MEF2A: variants seen among roughly 807,000 people sequenced by gnomAD.
MEF2A encodes the protein myocyte-specific enhancer factor 2A.
MEF2A carries 28 observed loss-of-function variants against 55.8 expected under a neutral mutation model. That is an observed-to-expected ratio of 0.50 (90% confidence interval 0.37 to 0.69). The LOEUF (loss-of-function observed/expected upper bound fraction) is 0.69, where lower values mean the gene tolerates loss of function less well. Ranked by LOEUF, MEF2A falls within the 30% of genes least tolerant of loss-of-function variation. MEF2A has a pLI of 0.00. For synonymous variants in MEF2A, 239 were observed against 227.1 expected, an observed-to-expected ratio of 1.05 and a Z score of -0.47; for missense variants, 528 against 626.2, an observed-to-expected ratio of 0.84 and a Z score of 1.67.
intron 1 of MEF2A, among the ~76,000 whole-genome samples, chr15:99,576,914 T>C (rs1964477852): frequency 6.6e-6 from 1 of 152,244 alleles, no homozygotes; most frequent in Admixed American, 6.5e-5. Flanking sequence ...CCCAAAGTGC[T>C]GGGATTACAG....
At chr15:99,592,831 C>G (rs1475517577) in intron 1 of MEF2A, among the ~76,000 whole-genome samples, 1 of 152,126 alleles carries the variant, frequency 6.6e-6, no homozygotes, top group Non-Finnish European at 1.5e-5. Flanking sequence ...CTCACCAAGT[C>G]CCACCTCCAA....
intron 2 of MEF2A, among the ~76,000 whole-genome samples, chr15:99,632,272 T>C (rs1049839702): frequency 6.6e-6 from 1 of 152,188 alleles, no homozygotes; most frequent in African/African-American, 2.4e-5. Context: ...AACTGAATCT[T>C]GACTGATAAG....
intron 7 of MEF2A, among the ~76,000 whole-genome samples, chr15:99,687,464 A>C (rs758962544): frequency 2.0e-5 from 3 of 152,198 alleles, no homozygotes; most frequent in Non-Finnish European, 4.4e-5. Context: ...GAGCAGAACA[A>C]ATACAGCTAC....
At chr15:99,704,921 C>A (rs2057846667) in intron 9 of MEF2A, among the ~76,000 whole-genome samples, 1 of 152,144 alleles carries the variant, frequency 6.6e-6, no homozygotes, top group African/African-American at 2.4e-5. Flanking sequence ...ATTACAGAAC[C>A]TCAGAGATAA....
At chr15:99,711,102 G>C (rs2058590817) in intron 11 of MEF2A, among the ~76,000 whole-genome samples, 1 of 152,192 alleles carries the variant, frequency 6.6e-6, no homozygotes, top group Admixed American at 6.5e-5. Context: ...TGATGAAGCT[G>C]CCTACTGCAC....
chr15:99,588,164 T>C (rs2152933791), intron 1 of MEF2A, among the ~76,000 whole-genome samples: 1 of 152,310 alleles, frequency 6.6e-6, no homozygotes, highest in African/African-American at 2.4e-5. Flanking sequence ...TTGCCCAGGC[T>C]GTTGTACAGT....
At chr15:99,586,404 T>C (rs1339999560) in intron 1 of MEF2A, among the ~76,000 whole-genome samples, 1 of 152,218 alleles carries the variant, frequency 6.6e-6, no homozygotes, top group Non-Finnish European at 1.5e-5. Context: ...TCCATATCGT[T>C]TTAATCTCCA....
intron 2 of MEF2A, among the ~76,000 whole-genome samples, chr15:99,616,312 A>G (rs569543570): frequency 2.0e-5 from 3 of 152,318 alleles, no homozygotes; most frequent in Admixed American, 2.0e-4. Context: ...AGACAAAATT[A>G]CAATATTGAT....
chr15:99,590,001 C>T (rs776825863), intron 1 of MEF2A, among the ~76,000 whole-genome samples: 1 of 152,154 alleles, frequency 6.6e-6, no homozygotes, highest in Non-Finnish European at 1.5e-5. Flanking sequence ...TTCAGTTAAA[C>T]CAAGGTGGTT....
At chr15:99,586,033 A>G (rs1967125429) in intron 1 of MEF2A, among the ~76,000 whole-genome samples, 1 of 151,362 alleles carries the variant, frequency 6.6e-6, no homozygotes, top group African/African-American at 2.4e-5. Context: ...AGTTTGTTCC[A>G]TTTTTCTGTT....
At chr15:99,589,222 A>G (rs1302925031) in intron 1 of MEF2A, among the ~76,000 whole-genome samples, 1 of 152,126 alleles carries the variant, frequency 6.6e-6, no homozygotes, top group African/African-American at 2.4e-5. Context: ...TTAAATTACG[A>G]ATTTAGTTTA....
intron 1 of MEF2A, among the ~76,000 whole-genome samples, chr15:99,579,601 G>A (rs1965332258): frequency 6.6e-6 from 1 of 152,096 alleles, no homozygotes; most frequent in South Asian, 2.1e-4. Context: ...TTGCCATGTT[G>A]GCCAGCCTGG....
intron 1 of MEF2A, among the ~76,000 whole-genome samples, chr15:99,594,811 C>T (rs1970612770): frequency 6.6e-6 from 1 of 152,100 alleles, no homozygotes; most frequent in African/African-American, 2.4e-5. Context: ...CATATAGAAA[C>T]TCTAAATATA....
At chr15:99,612,365 C>A (rs536303719) in intron 2 of MEF2A, among the ~76,000 whole-genome samples, 40 of 150,850 alleles carry the variant, frequency 2.7e-4, no homozygotes, top group Admixed American at 2.6e-3. Flanking sequence ...TGCAGTAAGC[C>A]GAGATCACAC....
chr15:99,577,110 A>C (rs11247113), intron 1 of MEF2A, among the ~76,000 whole-genome samples: 68,099 of 152,088 alleles, frequency 0.45, 17,266 homozygotes, highest in Middle Eastern at 0.61. Context: ...TTATACAATG[A>C]TATGATAGCT....
intron 2 of MEF2A, among the ~76,000 whole-genome samples, chr15:99,616,576 A>T (rs542019385): frequency 1.3e-5 from 2 of 152,340 alleles, no homozygotes; most frequent in South Asian, 4.1e-4. Context: ...GCAATTAAGC[A>T]TAGTATTAAC....
intron 2 of MEF2A, among the ~76,000 whole-genome samples, chr15:99,606,538 A>T (rs1357453217): frequency 3.3e-5 from 5 of 152,192 alleles, no homozygotes; most frequent in African/African-American, 1.2e-4. Flanking sequence ...AATCAATGTG[A>T]CAGAGACAAT....
At chr15:99,653,868 A>G (rs944468329) in intron 4 of MEF2A, among the ~76,000 whole-genome samples, 6 of 152,084 alleles carry the variant, frequency 3.9e-5, no homozygotes, top group Non-Finnish European at 7.4e-5. Context: ...CTTTTCAAAT[A>G]TCTGGTTTAT....
At chr15:99,642,370 T>A (rs1275072877) in intron 3 of MEF2A, among the ~76,000 whole-genome samples, 1 of 152,182 alleles carries the variant, frequency 6.6e-6, no homozygotes, top group Non-Finnish European at 1.5e-5. Flanking sequence ...CCTTTCTGTA[T>A]TTTATTTTTT....
Sources: gnomAD v4.1 joint callset for allele counts (sites outside exome capture counted in the v4.1 genomes callset) on GRCh38, gnomAD v4.1.1 for gene constraint, MANE v1.5 for transcripts, NCBI Gene and HGNC (gene_info 2026-07-23, HGNC 2026-07-21) for gene names.